Variants in MVB12B observed in about 807,000 individuals in gnomAD.
MVB12B encodes the protein multivesicular body subunit 12B, also known as ESCRT-I complex subunit MVB12B.
Under a neutral mutation model 41.6 loss-of-function variants are expected in MVB12B, and 16 were observed. The ratio of observed to expected loss-of-function variants is 0.38; its 90% CI spans 0.26 to 0.58. MVB12B has a LOEUF of 0.58. MVB12B is among the 20% of genes least tolerant of loss of function. The pLI is 0.62. For missense variants in MVB12B, 274 were observed against 380.2 expected (o/e 0.72, Z 2.32); for synonymous variants, 133 against 139.7 (o/e 0.95, Z 0.34).
rs1199522487 is a variant in MVB12B, at chr9:126,478,283, G to C, written c.758-3086G>C. On this transcript the variant is annotated intron_variant, in intron 7 of 9. Coordinates refer to ENST00000361171, the MANE Select transcript of MVB12B (RefSeq NM_033446.3). This position sits in a 1 kb window ranked among gnomAD's most constrained non-coding sequence, Gnocchi z 4.2. ...AGCAGGCGGGGGTAGCAGTGAGCAG[G>C]GTCCCCAGGTCCTGAGAGAGTTAGG... Among the ~76,000 whole-genome samples, 1 of 152,118 alleles carries C rather than the reference G, an allele frequency of 6.6e-6. No individual in the cohort carries two copies. Among genetic ancestry groups the C allele is most frequent in the Non-Finnish European group, 1.5e-5 (1 of 68,020 alleles).
intron 7 of MVB12B, among the ~76,000 whole-genome samples, chr9:126,476,967 A>G (rs1833435667): frequency 6.6e-6 from 1 of 151,864 alleles, no homozygotes; most frequent in Admixed American, 6.6e-5. Flanking sequence ...TTTGTGTGTT[A>G]GGCTGTTCTT....
chr9:126,406,405 C>G (rs930930620), intron 6 of MVB12B, among the ~76,000 whole-genome samples: 2 of 152,332 alleles, frequency 1.3e-5, no homozygotes, highest in African/African-American at 4.8e-5. Flanking sequence ...TTGCCTTTGG[C>G]TCTTTGATAG....
chr9:126,453,486 C>T (rs1832920168), intron 7 of MVB12B, among the ~76,000 whole-genome samples: 1 of 152,200 alleles, frequency 6.6e-6, no homozygotes, highest in Non-Finnish European at 1.5e-5. Context: ...GTCCTAGTGA[C>T]TTCTTTCTGC....
At chr9:126,328,472 T>C (rs1829042888) in intron 1 of MVB12B, among the ~76,000 whole-genome samples, 2 of 152,236 alleles carry the variant, frequency 1.3e-5, no homozygotes, top group South Asian at 4.1e-4. Context: ...GCCATGGTTA[T>C]GTGCAGGGAG....
At chr9:126,373,659 A>G (rs1046319759) in intron 2 of MVB12B, among the ~76,000 whole-genome samples, 4 of 152,186 alleles carry the variant, frequency 2.6e-5, no homozygotes, top group African/African-American at 9.7e-5. Flanking sequence ...CTCAATTCCA[A>G]CGTTGAAGAA....
Position 126,371,244 on chromosome 9 carries a change from G to A in MVB12B, c.205-9820G>A, listed in dbSNP as rs7864591. Among the ~76,000 whole-genome samples the A allele has an allele frequency of 6.4e-3, 979 of 152,338 alleles. 14 individuals are homozygous for A. The highest frequency in any genetic ancestry group is 0.022 in the African/African-American group (908 of 41,578). On this transcript the variant is annotated intron_variant, in intron 2 of 9. Coordinates refer to ENST00000361171, the MANE Select transcript of MVB12B (RefSeq NM_033446.3). ...TGCAGGCTTGTGGAGGTCCAGGGCC[G>A]TGTCATAGCTTGGCCGTCTGGGTGC...
intron 7 of MVB12B, among the ~76,000 whole-genome samples, chr9:126,467,937 T>G (rs1833230898): frequency 6.6e-6 from 1 of 152,196 alleles, no homozygotes; most frequent in African/African-American, 2.4e-5. Flanking sequence ...TGCCGTTGCC[T>G]CAGCAGAGAG....
Position 126,376,458 on chromosome 9 carries a change from GC to G in MVB12B, c.205-4605del. On this transcript the variant is annotated intron_variant, in intron 2 of 9. Coordinates refer to ENST00000361171, the MANE Select transcript of MVB12B (RefSeq NM_033446.3). The surrounding 1 kb of genome is among the most constrained non-coding windows in gnomAD (Gnocchi z 4.1). ...GTTGGGATTTAAGATGGAGGCACCA[GC>G]TCATGGGCTGGAGCCCTGTGGGTGG... is the stretch of plus-strand genomic sequence containing the variant. The G allele has an allele frequency of 8.0e-7, 1 of 1,255,832 alleles. No homozygotes were observed. The highest frequency in any genetic ancestry group is 1.0e-6 in the Non-Finnish European group (1 of 959,114). 77.8% of individuals were successfully genotyped at this position (1,255,832 alleles called of 1,614,324 possible).
intron 7 of MVB12B, among the ~76,000 whole-genome samples, chr9:126,452,139 T>C (rs1317646283): frequency 2.0e-5 from 3 of 152,180 alleles, no homozygotes; most frequent in Non-Finnish European, 4.4e-5. Context: ...AAAGGAAGAA[T>C]GTGAGTCCGT....
chr9:126,374,711 C>T (rs1313257767), intron 2 of MVB12B, among the ~76,000 whole-genome samples: 1 of 152,210 alleles, frequency 6.6e-6, no homozygotes, highest in Non-Finnish European at 1.5e-5. Context: ...GGACTTGCAG[C>T]TTTGGACATT....
intron 2 of MVB12B, among the ~76,000 whole-genome samples, chr9:126,341,854 A>G (rs1048809371): frequency 2.0e-5 from 3 of 152,120 alleles, no homozygotes; most frequent in Non-Finnish European, 2.9e-5. Flanking sequence ...TGAGAACTGC[A>G]ATGGTCAAGG....
intron 7 of MVB12B, among the ~76,000 whole-genome samples, chr9:126,446,843 C>A (rs1217496141): frequency 6.6e-6 from 1 of 150,896 alleles, no homozygotes; most frequent in Non-Finnish European, 1.5e-5. Context: ...ATTTGTCTTT[C>A]CAAATAACTG....
chr9:126,333,763 T>C lies in MVB12B; in HGVS notation c.82-6745T>C, dbSNP rs537265812. 9.2e-5 allele frequency among the ~76,000 whole-genome samples: 14 copies of C among 152,196 alleles called. No individual in the cohort carries two copies. Among genetic ancestry groups the C allele is most frequent in the African/African-American group, 3.4e-4 (14 of 41,528 alleles). On this transcript the variant is annotated intron_variant, in intron 1 of 9. Transcript: ENST00000361171. This position sits in a 1 kb window ranked among gnomAD's most constrained non-coding sequence, Gnocchi z 4.7. ...AGGGGAGGAACCTGGTGCCCTTGGG[T>C]GAACTGTCAAGAGGAAGGAGGGGGA...
Position 126,340,543 on chromosome 9 carries a change from A to G in MVB12B, c.117A>G (p.Ser39=), listed in dbSNP as rs1829416069. The G allele has an allele frequency of 6.2e-7, 1 of 1,614,108 alleles. No individual in the cohort carries two copies. Among genetic ancestry groups the G allele is most frequent in the South Asian group, 1.1e-5 (1 of 91,086 alleles). The part of the protein sequence containing the change: ...QSTMPEVKDL[S]EALPETSMDP... Reference sequence around the variant, plus strand: ...CCATGCCTGAAGTCAAAGACCTCTCAGAAGCCTTGCCAGAAACGTCAATGG... The same window carrying G: ...CCATGCCTGAAGTCAAAGACCTCTCGGAAGCCTTGCCAGAAACGTCAATGG... Residue 39 remains serine (S), a synonymous_variant, in exon 2 of 10, where the codon TCA becomes TCG. Coordinates refer to ENST00000361171, the MANE Select transcript of MVB12B (RefSeq NM_033446.3). The surrounding 1 kb of genome is among the most constrained non-coding windows in gnomAD (Gnocchi z 4.0).
At chr9:126,351,483 C>CTTTTTTTTTTTTTTTTTTT (rs34141510) in intron 2 of MVB12B, among the ~76,000 whole-genome samples, 1 of 86,298 alleles carries the variant, frequency 1.2e-5, no homozygotes, top group Non-Finnish European at 2.1e-5. Flanking sequence ...GTCTTTCACT[C>CTTTTTTTTTTTTTTTTTTT]TTTTTTTTTT....
intron 2 of MVB12B, among the ~76,000 whole-genome samples, chr9:126,351,527 T>A (rs1829749225): frequency 2.2e-5 from 3 of 138,764 alleles, no homozygotes. Context: ...CTTGCTTTGC[T>A]GCCTAAACTG....
chr9:126,364,771 A>G (rs1830118720), intron 2 of MVB12B, among the ~76,000 whole-genome samples: 1 of 152,126 alleles, frequency 6.6e-6, no homozygotes, highest in Non-Finnish European at 1.5e-5. Flanking sequence ...TTTTGTTTTG[A>G]GATGGAGTCT....
intron 2 of MVB12B, among the ~76,000 whole-genome samples, chr9:126,360,415 C>G (rs759307330): frequency 1.3e-5 from 2 of 152,128 alleles, no homozygotes; most frequent in Non-Finnish European, 2.9e-5. Flanking sequence ...ATAAAACTAT[C>G]TGTAATTTAT....
intron 9 of MVB12B, among the ~76,000 whole-genome samples, chr9:126,490,540 C>A (rs1290192031): frequency 1.3e-5 from 2 of 152,314 alleles, no homozygotes; most frequent in African/African-American, 4.8e-5. Context: ...GGAGTGCCAC[C>A]ATCAAAACCG....
Sources: allele counts gnomAD v4.1 joint callset (sites outside exome capture counted in the v4.1 genomes callset), GRCh38; gene constraint gnomAD v4.1.1; non-coding constraint Gnocchi (gnomAD v3.1); transcripts MANE v1.5; gene names NCBI Gene and HGNC (gene_info 2026-07-23, HGNC 2026-07-21).